The following CSMD1 variants were observed in gnomAD, a reference collection of about 807,000 sequenced individuals.
CSMD1 encodes the protein CUB and sushi domain-containing protein 1.
A neutral mutation model predicts 417.5 loss-of-function variants in CSMD1; 213 were observed. That is an observed-to-expected ratio of 0.51 (90% CI 0.46 to 0.57). The LOEUF is 0.57. Among genes scored for constraint, CSMD1 ranks in the 20% least tolerant of loss-of-function variants. The pLI is 0.00. For synonymous variants in CSMD1, 2,862 were observed against 1,736.8 expected (o/e 1.65, Z -16.11); for missense variants, 6,923 against 4,529.7 (o/e 1.53, Z -15.17).
At chr8:3,532,017 G>C (rs573505642) in intron 10 of CSMD1, among the ~76,000 whole-genome samples, 2 of 152,306 alleles carry the variant, frequency 1.3e-5, no homozygotes, top group Non-Finnish European at 2.9e-5. Flanking sequence ...GGCACACCTG[G>C]TCCTAAACAG....
intron 12 of CSMD1, among the ~76,000 whole-genome samples, chr8:3,412,620 G>C (rs1489128348): frequency 1.3e-5 from 2 of 152,154 alleles, no homozygotes; most frequent in African/African-American, 2.4e-5. Context: ...ATTTGGTTGA[G>C]GTTCAAGGTA....
chr8:4,048,980 T>C (rs1160918416), intron 3 of CSMD1, among the ~76,000 whole-genome samples: 1 of 152,162 alleles, frequency 6.6e-6, no homozygotes, highest in East Asian at 1.9e-4. Context: ...TGTGAATTTC[T>C]CTAAGGTTGA....
chr8:4,954,261 G>A (rs1205227362), intron 1 of CSMD1, among the ~76,000 whole-genome samples: 9 of 152,130 alleles, frequency 5.9e-5, no homozygotes, highest in South Asian at 2.1e-4. Flanking sequence ...TACCAATTAC[G>A]ATATGGTGTG....
At chr8:3,915,701 T>A (rs1015942268) in intron 5 of CSMD1, among the ~76,000 whole-genome samples, 3 of 151,432 alleles carry the variant, frequency 2.0e-5, no homozygotes, top group African/African-American at 7.3e-5. Flanking sequence ...ATCTCTGTTA[T>A]AATTTATTGG....
intron 12 of CSMD1, among the ~76,000 whole-genome samples, chr8:3,448,973 G>T (rs1815510418): frequency 6.6e-6 from 1 of 152,174 alleles, no homozygotes; most frequent in African/African-American, 2.4e-5. Context: ...CAATCGCAAT[G>T]GATGTAAACA....
intron 17 of CSMD1, among the ~76,000 whole-genome samples, chr8:3,390,025 A>G (rs1458422234): frequency 6.6e-6 from 1 of 151,990 alleles, no homozygotes; most frequent in East Asian, 1.9e-4. Context: ...CTGGCCATGT[A>G]AAAGAATCCT....
At chr8:4,245,062 T>C (rs1259001972) in intron 3 of CSMD1, among the ~76,000 whole-genome samples, 5 of 152,322 alleles carry the variant, frequency 3.3e-5, no homozygotes, top group East Asian at 3.9e-4. Flanking sequence ...ATGTGTATTA[T>C]AGCTATTTTG....
At position 3,448,603 on chromosome 8, in the gene CSMD1, AC is replaced by A. The variant is rs79964276; in HGVS notation, c.1561+20108del. On this transcript the variant is annotated intron_variant, in intron 12 of 69. Coordinates refer to ENST00000635120, the MANE Select transcript of CSMD1 (RefSeq NM_033225.6). ...TAAGTCCATGAGTACTAATAAAAGG[AC>A]CACATGCCATGCAAAGGTGAGAGTG... 2.8e-4 allele frequency among the ~76,000 whole-genome samples: 43 copies of A among 152,172 alleles called. No homozygotes were observed. The East Asian group carries it at 8.0e-3, about 28-fold the overall frequency.
chr8:4,214,743 A>C (rs565468366), intron 3 of CSMD1, among the ~76,000 whole-genome samples: 1 of 152,180 alleles, frequency 6.6e-6, no homozygotes, highest in Non-Finnish European at 1.5e-5. Flanking sequence ...ACATATTCCC[A>C]TATTTGACAT....
At chr8:4,210,859 A>G (rs1387171888) in intron 3 of CSMD1, among the ~76,000 whole-genome samples, 1 of 152,200 alleles carries the variant, frequency 6.6e-6, no homozygotes, top group Non-Finnish European at 1.5e-5. Flanking sequence ...AATGTTTCAC[A>G]GCAGTGTTGT....
At chr8:3,531,506 G>A (rs983079677) in intron 10 of CSMD1, among the ~76,000 whole-genome samples, 15 of 152,218 alleles carry the variant, frequency 9.9e-5, no homozygotes, top group African/African-American at 3.1e-4. Flanking sequence ...ATGCCCCAGG[G>A]TAGCATAAAG....
At chr8:4,882,405 G>A (rs1374296875) in intron 1 of CSMD1, among the ~76,000 whole-genome samples, 1 of 151,698 alleles carries the variant, frequency 6.6e-6, no homozygotes, top group Non-Finnish European at 1.5e-5. Context: ...AGCGAGTTTG[G>A]CATTGTGTGG....
At chr8:3,305,313 G>C (rs753587368) in intron 25 of CSMD1, among the ~76,000 whole-genome samples, 4 of 152,034 alleles carry the variant, frequency 2.6e-5, no homozygotes, top group African/African-American at 4.8e-5. Flanking sequence ...CATTTATCTT[G>C]ATTAATTTTA....
rs184319303 is a variant in CSMD1 at position 3,166,375 on chromosome 8, A to G, written c.5726-4098T>C. Among the ~76,000 whole-genome samples, 73 of 151,990 alleles carry G rather than the reference A, an allele frequency of 4.8e-4. No homozygotes were observed. In the East Asian group the frequency reaches 8.6e-3, roughly 18 times the overall value. On this transcript the variant is annotated intron_variant, in intron 37 of 69. Coordinates refer to ENST00000635120, the MANE Select transcript of CSMD1 (RefSeq NM_033225.6). ...GCCCTGAAACCCCGTCTCGACCACA[A>G]ATGCAAAAAGTACCCGGGCGTGGTG...
chr8:2,971,601 T>G (rs115878763), intron 57 of CSMD1, among the ~76,000 whole-genome samples: 1 of 152,172 alleles, frequency 6.6e-6, no homozygotes, highest in Non-Finnish European at 1.5e-5. Context: ...GTTTATCCCA[T>G]AGGATTGCTT....
chr8:4,575,552 A>T (rs998567270), intron 2 of CSMD1, among the ~76,000 whole-genome samples: 2 of 152,184 alleles, frequency 1.3e-5, no homozygotes, highest in East Asian at 3.9e-4. Context: ...CTTGGCCATC[A>T]AACTCACTTT....
intron 2 of CSMD1, among the ~76,000 whole-genome samples, chr8:4,507,914 A>G (rs1802611640): frequency 1.3e-5 from 2 of 152,158 alleles, no homozygotes; most frequent in Admixed American, 6.5e-5. Context: ...ATTTGGAATT[A>G]TGTGAATAGG....
chr8:3,691,130 G>A (rs1046055156), intron 7 of CSMD1, among the ~76,000 whole-genome samples: 2 of 152,114 alleles, frequency 1.3e-5, no homozygotes, highest in African/African-American at 4.8e-5. Context: ...ACTTTGGGAG[G>A]CCGGGGCAGG....
chr8:4,468,259 C>T (rs544091256), intron 2 of CSMD1, among the ~76,000 whole-genome samples: 20 of 152,312 alleles, frequency 1.3e-4, no homozygotes, highest in African/African-American at 4.8e-4. Flanking sequence ...ACTTCTGAGA[C>T]TCCTGACCCC....
Sources: allele counts gnomAD v4.1 joint callset (sites outside exome capture counted in the v4.1 genomes callset), GRCh38; gene constraint gnomAD v4.1.1; transcripts MANE v1.5; gene names NCBI Gene and HGNC (gene_info 2026-07-23, HGNC 2026-07-21).